Variants in CSMD1 observed in about 807,000 individuals in gnomAD.
CSMD1 encodes CUB and Sushi multiple domains 1.
CSMD1 carries 213 observed loss-of-function variants against 417.5 expected under a neutral mutation model. The observed-to-expected ratio is 0.51, with a 90% CI of 0.46 to 0.57. The LOEUF (loss-of-function observed/expected upper bound fraction) is 0.57, where lower values mean the gene tolerates loss of function less well. Ranked by LOEUF, CSMD1 falls within the 20% of genes least tolerant of loss-of-function variation. The pLI is 0.00. For synonymous variants in CSMD1, 2,862 were observed against 1,736.8 expected (o/e 1.65, Z -16.11); for missense variants, 6,923 against 4,529.7 (o/e 1.53, Z -15.17).
chr8:3,368,069 G>C (rs1173984492), intron 19 of CSMD1, among the ~76,000 whole-genome samples: 3 of 152,128 alleles, frequency 2.0e-5, no homozygotes, highest in Admixed American at 6.5e-5. Context: ...GATTCCTATA[G>C]TGAAATTAAT....
At chr8:3,111,219 C>T (rs540266014) in intron 42 of CSMD1, among the ~76,000 whole-genome samples, 15 of 152,156 alleles carry the variant, frequency 9.9e-5, no homozygotes, top group Non-Finnish European at 2.2e-4. Flanking sequence ...AACAGATAAA[C>T]AAAAAGAAAA....
intron 2 of CSMD1, among the ~76,000 whole-genome samples, chr8:4,421,278 C>A (rs1797236176): frequency 1.3e-5 from 2 of 152,174 alleles, no homozygotes; most frequent in Admixed American, 1.3e-4. Context: ...AGTTTAAATT[C>A]TCCTGTGACT....
At chr8:3,402,897 G>A (rs965587241) in intron 15 of CSMD1, among the ~76,000 whole-genome samples, 1 of 151,846 alleles carries the variant, frequency 6.6e-6, no homozygotes, top group Middle Eastern at 3.2e-3. Context: ...TTCTACGTTA[G>A]AGGACTTAAA....
chr8:3,753,765 A>G (rs139211571), intron 6 of CSMD1, among the ~76,000 whole-genome samples, 165 bp downstream of exon 6: 3,265 of 152,324 alleles, frequency 0.021, 70 homozygotes, highest in Non-Finnish European at 0.029. Context: ...CTTTACTAAT[A>G]AGTTCCCAGC....
chr8:4,501,938 A>G (rs937054309), intron 2 of CSMD1, among the ~76,000 whole-genome samples: 8 of 151,662 alleles, frequency 5.3e-5, no homozygotes, highest in African/African-American at 1.9e-4. Context: ...ACCCCCCTAG[A>G]ATAAGGGAGA....
At chr8:3,654,637 C>G (rs1798014576) in intron 7 of CSMD1, among the ~76,000 whole-genome samples, 1 of 152,178 alleles carries the variant, frequency 6.6e-6, no homozygotes, top group Admixed American at 6.5e-5. Flanking sequence ...CTTTGATTTG[C>G]TAGGTGTGAG....
intron 11 of CSMD1, 160 bp from the exon 12 acceptor site, chr8:3,468,984 T>C (rs1816934971): frequency 1.5e-5 from 7 of 473,788 alleles, no homozygotes; most frequent in African/African-American, 6.0e-5. Flanking sequence ...ATTATATTAA[T>C]ATTCAAACAT....
chr8:3,754,393 A>G (rs548165934), intron 5 of CSMD1, among the ~76,000 whole-genome samples: 1 of 152,208 alleles, frequency 6.6e-6, no homozygotes, highest in African/African-American at 2.4e-5. Flanking sequence ...TAGGAAAATG[A>G]TAAAATTCTG....
At chr8:3,845,118 T>C (rs1285902963) in intron 5 of CSMD1, among the ~76,000 whole-genome samples, 1 of 152,222 alleles carries the variant, frequency 6.6e-6, no homozygotes, top group Non-Finnish European at 1.5e-5. Flanking sequence ...GTATCAACTA[T>C]AAGGCAAATC....
At chr8:3,502,507 G>T (rs571714598) in intron 10 of CSMD1, among the ~76,000 whole-genome samples, 1 of 152,110 alleles carries the variant, frequency 6.6e-6, no homozygotes, top group African/African-American at 2.4e-5. Context: ...GGTATATCCA[G>T]ACAGTGGAAT....
intron 3 of CSMD1, among the ~76,000 whole-genome samples, chr8:4,256,709 G>A (rs762478786): frequency 6.6e-6 from 1 of 152,086 alleles, no homozygotes; most frequent in Non-Finnish European, 1.5e-5. Flanking sequence ...GCGTGGTGTG[G>A]GGGAAGGAAG....
intron 3 of CSMD1, among the ~76,000 whole-genome samples, chr8:4,179,415 AC>A (rs536186895): frequency 3.3e-5 from 5 of 152,222 alleles, no homozygotes; most frequent in South Asian, 2.1e-4. Context: ...TACACCCTAT[AC>A]AAAAATCAAT....
chr8:4,683,919 C>T (rs1054479857), intron 1 of CSMD1, among the ~76,000 whole-genome samples: 15 of 152,270 alleles, frequency 9.9e-5, no homozygotes, highest in Non-Finnish European at 8.8e-5. Context: ...ATGTGAGCAG[C>T]ATGTCATATA....
chr8:3,629,685 A>C (rs1285820163), intron 7 of CSMD1, among the ~76,000 whole-genome samples: 2 of 152,134 alleles, frequency 1.3e-5, no homozygotes, highest in Admixed American at 1.3e-4. Flanking sequence ...GAGATTACGG[A>C]GATAGAAAAG....
intron 3 of CSMD1, among the ~76,000 whole-genome samples, chr8:4,200,556 C>G (rs1190653060): frequency 1.3e-5 from 2 of 151,394 alleles, no homozygotes; most frequent in Non-Finnish European, 2.9e-5. Flanking sequence ...CTGTGCTATC[C>G]TTATATAATT....
chr8:4,743,562 A>G (rs930198152), intron 1 of CSMD1, among the ~76,000 whole-genome samples: 7 of 152,192 alleles, frequency 4.6e-5, no homozygotes, highest in African/African-American at 1.2e-4. Context: ...CATTAACCAC[A>G]GAGAGTGGCT....
chr8:3,409,576 C>T lies in CSMD1; in HGVS notation c.1591G>A (p.Gly531Arg), dbSNP rs2116912968. 6.2e-7 allele frequency: 1 copy of T among 1,606,544 alleles called. No homozygotes were observed. Among genetic ancestry groups the T allele is most frequent in the Non-Finnish European group, 8.5e-7 (1 of 1,176,080 alleles). The change falls in exon 13 of 70, where the codon GGA becomes AGA. Residue 531 changes from glycine to arginine, a missense_variant. Gly to Arg is a moderately radical substitution (Grantham distance 125, BLOSUM62 -2). Transcript: ENST00000635120. ...GTCCGCTTCCCATAGGCGGGGATTC[C>T]AGGATCCCCACACCCTCCCTTTTCA... ...EIEKGGCGDP[G>R]IPAYGKRTGS...
chr8:4,812,226 C>T (rs966305071), intron 1 of CSMD1, among the ~76,000 whole-genome samples: 1 of 152,150 alleles, frequency 6.6e-6, no homozygotes, highest in African/African-American at 2.4e-5. Context: ...CTAAGTGAGA[C>T]ACAACCAGTC....
At chr8:3,662,088 A>T (rs1056216887) in intron 7 of CSMD1, among the ~76,000 whole-genome samples, 3 of 152,102 alleles carry the variant, frequency 2.0e-5, no homozygotes, top group African/African-American at 2.4e-5. Flanking sequence ...ACAGAGAAGG[A>T]GCATGCTTAA....
Sources: gnomAD v4.1 joint callset for allele counts (sites outside exome capture counted in the v4.1 genomes callset) on GRCh38, gnomAD v4.1.1 for gene constraint, MANE v1.5 for transcripts, NCBI Gene and HGNC (gene_info 2026-07-23, HGNC 2026-07-21) for gene names.